Variants in SCLT1 observed in about 807,000 individuals in gnomAD.
The protein encoded by SCLT1 is sodium channel-associated protein 1.
Under a neutral mutation model 112.8 loss-of-function variants are expected in SCLT1, and 78 were observed. The ratio of observed to expected loss-of-function variants is 0.69; its 90% CI spans 0.58 to 0.83. The LOEUF is 0.83. Ranked by LOEUF, SCLT1 falls within the 40% of genes least tolerant of loss-of-function variation. The probability of loss-of-function intolerance (pLI) is 0.00; values close to 1 mark genes in which losing one functional copy is unlikely to be tolerated. For missense variants in SCLT1, 747 were observed against 770.4 expected (o/e 0.97, Z 0.36); for synonymous variants, 257 against 254.7 (o/e 1.01, Z -0.09).
intron 7 of SCLT1, 87 bp from the exon 8 acceptor site, chr4:128,998,026 A>G (rs922049870): frequency 1.9e-6 from 1 of 537,644 alleles, no homozygotes; most frequent in African/African-American, 2.0e-5. Context: ...CAAGTCTAAA[A>G]TCATTATGCC....
At chr4:128,988,944 T>C (rs1201168985) in intron 9 of SCLT1, among the ~76,000 whole-genome samples, 1 of 151,980 alleles carries the variant, frequency 6.6e-6, no homozygotes, top group East Asian at 1.9e-4. Context: ...ATTGTAGATA[T>C]ATATGTACTC....
At chr4:128,977,269 C>T (rs1330846243) in intron 9 of SCLT1, among the ~76,000 whole-genome samples, 1 of 152,202 alleles carries the variant, frequency 6.6e-6, no homozygotes, top group Non-Finnish European at 1.5e-5. Flanking sequence ...GCCTTAAGTG[C>T]TGGTGGCTCA....
intron 17 of SCLT1, among the ~76,000 whole-genome samples, chr4:128,941,854 T>C (rs1299449568): frequency 2.0e-5 from 3 of 152,176 alleles, no homozygotes; most frequent in African/African-American, 7.2e-5. Context: ...AGTTAAGTTT[T>C]ATTTTTAAAA....
intron 18 of SCLT1, among the ~76,000 whole-genome samples, chr4:128,910,503 T>G (rs1011682755): frequency 2.6e-5 from 4 of 152,214 alleles, no homozygotes; most frequent in Non-Finnish European, 2.9e-5. Flanking sequence ...TTAACCCTTT[T>G]AAAATTTTTC....
chr4:128,946,240 A>C (rs1346744639), intron 15 of SCLT1, 88 bp from the exon 16 acceptor site: 3 of 800,288 alleles, frequency 3.7e-6, no homozygotes, highest in African/African-American at 1.7e-5. Context: ...GGAAGAAATA[A>C]AAAGCCATGA....
intron 18 of SCLT1, among the ~76,000 whole-genome samples, chr4:128,896,803 A>G (rs1402799525): frequency 6.6e-6 from 1 of 152,196 alleles, no homozygotes; most frequent in Non-Finnish European, 1.5e-5. Context: ...GGCTAACTAG[A>G]ATAACGAATG....
rs188568317 is a variant in SCLT1 at position 129,028,652 on chromosome 4, G to A, written c.290+10389C>T. On this transcript the variant is annotated intron_variant, in intron 5 of 20. Coordinates refer to ENST00000281142, the MANE Select transcript of SCLT1 (RefSeq NM_144643.4). The stretch of plus-strand genomic sequence containing the variant: ...CATGTCTAAAACACCAAAAGCAATG[G>A]CAACAAAAGCCAAAATTGACAAATG... Among the ~76,000 whole-genome samples the A allele has an allele frequency of 5.0e-3, 767 of 152,218 alleles. 10 individuals carry two copies. Among genetic ancestry groups the A allele is most frequent in the African/African-American group, 0.017 (700 of 41,518 alleles).
In SCLT1 at chr4:129,089,564, G is replaced by A. The variant is rs142206516; in HGVS notation, c.34+3506C>T. Among the ~76,000 whole-genome samples the A allele has an allele frequency of 5.9e-3, 902 of 152,292 alleles. 8 individuals are homozygous for A. Among genetic ancestry groups the A allele is most frequent in the South Asian group, 0.012 (59 of 4,828 alleles). On this transcript the variant is annotated intron_variant, in intron 1 of 20. Transcript: ENST00000281142. Reference sequence around the variant, plus strand: ...TTCTACCATAAAGACACATGCACATGTATGTTTAATGCGGCACTATTCACA... The same window carrying A: ...TTCTACCATAAAGACACATGCACATATATGTTTAATGCGGCACTATTCACA...
intron 2 of SCLT1, among the ~76,000 whole-genome samples, chr4:129,078,751 C>T (rs1751679006): frequency 6.6e-6 from 1 of 152,154 alleles, no homozygotes; most frequent in Non-Finnish European, 1.5e-5. Context: ...AAGCTCTTCA[C>T]TTTTAATACC....
intron 19 of SCLT1, among the ~76,000 whole-genome samples, chr4:128,890,193 T>C (rs987957230): frequency 1.3e-5 from 2 of 152,312 alleles, no homozygotes; most frequent in Admixed American, 6.5e-5. Flanking sequence ...ACTGCTACCA[T>C]AATGGTTGAG....
Position 129,039,110 on chromosome 4 carries a change from A to G in SCLT1, c.235-14T>C. On this transcript the variant is annotated splice_polypyrimidine_tract_variant and intron_variant, in intron 4 of 20. Coordinates refer to ENST00000281142, the MANE Select transcript of SCLT1 (RefSeq NM_144643.4). ...ACCCACCTGTTTCTGAAAGAATAAA[A>G]TATGGTGTGGCAATACATTTTGCAG... 6.3e-7 allele frequency: 1 copy of G among 1,581,252 alleles called. No individual in the cohort carries two copies. Among genetic ancestry groups the G allele is most frequent in the Middle Eastern group, 1.7e-4 (1 of 6,000 alleles).
intron 18 of SCLT1, among the ~76,000 whole-genome samples, chr4:128,930,558 G>A (rs1459021073): frequency 2.6e-5 from 4 of 152,206 alleles, no homozygotes; most frequent in African/African-American, 9.7e-5. Context: ...AGTCACGGAA[G>A]TGGGAATGAA....
intron 13 of SCLT1, among the ~76,000 whole-genome samples, chr4:128,955,299 A>G (rs1739126728): frequency 6.6e-6 from 1 of 152,202 alleles, no homozygotes; most frequent in South Asian, 2.1e-4. Flanking sequence ...TTTTTCCTCT[A>G]TAATTTTATG....
Position 129,071,922 on chromosome 4 carries a change from T to C in SCLT1, c.102+10384A>G, listed in dbSNP as rs918748764. Reference sequence around the variant, plus strand: ...TGTTTTATAGGTCCTGTGTGATTTATGCTTTAAAGAGGTTCTGTTTTGATG... The same window carrying C: ...TGTTTTATAGGTCCTGTGTGATTTACGCTTTAAAGAGGTTCTGTTTTGATG... On this transcript the variant is annotated intron_variant, in intron 2 of 20. Transcript: ENST00000281142. Among the ~76,000 whole-genome samples, 5 of 152,216 alleles carry C rather than the reference T, an allele frequency of 3.3e-5. No individual in the cohort carries two copies. The South Asian group carries it at 1.0e-3, about 32-fold the overall frequency.
chr4:128,928,341 A>G (rs1333395609), intron 18 of SCLT1, among the ~76,000 whole-genome samples: 1 of 152,192 alleles, frequency 6.6e-6, no homozygotes, highest in East Asian at 1.9e-4. Flanking sequence ...TCTCATGAAC[A>G]TAGATAAAAA....
At chr4:128,954,201 T>C (rs1050405127) in intron 13 of SCLT1, among the ~76,000 whole-genome samples, 2 of 152,214 alleles carry the variant, frequency 1.3e-5, no homozygotes, top group African/African-American at 4.8e-5. Context: ...TTTGAAAATA[T>C]GATGTAAACT....
chr4:129,048,157 G>T (rs1490968215), intron 2 of SCLT1, among the ~76,000 whole-genome samples: 1 of 152,072 alleles, frequency 6.6e-6, no homozygotes, highest in Non-Finnish European at 1.5e-5. Flanking sequence ...TTGTAAAAGG[G>T]CCCGCATCAC....
chr4:129,084,003 T>C (rs1289661645), intron 1 of SCLT1, among the ~76,000 whole-genome samples: 1 of 152,216 alleles, frequency 6.6e-6, no homozygotes, highest in African/African-American at 2.4e-5. Context: ...GATATATTCA[T>C]GATAAAGCCT....
intron 4 of SCLT1, chr4:129,040,010 G>C: frequency 1.7e-6 from 1 of 575,360 alleles, no homozygotes; most frequent in East Asian, 2.8e-5. Context: ...TATTAGTCTT[G>C]ATTGTGCTTC....
Sources: gnomAD v4.1 joint callset for allele counts (sites outside exome capture counted in the v4.1 genomes callset) on GRCh38, gnomAD v4.1.1 for gene constraint, MANE v1.5 for transcripts, NCBI Gene and HGNC (gene_info 2026-07-23, HGNC 2026-07-21) for gene names.